The following AHSG variants were observed in gnomAD, a reference collection of about 807,000 sequenced individuals.
AHSG encodes alpha 2-HS glycoprotein, also known as alpha-2-HS-glycoprotein.
AHSG carries 23 observed loss-of-function variants against 30.1 expected under a neutral mutation model. The ratio of observed to expected loss-of-function variants is 0.76; its 90% CI spans 0.55 to 1.08. AHSG has a LOEUF of 1.08. AHSG is among the 50% of genes least tolerant of loss of function. AHSG has a pLI of 0.00. For missense variants in AHSG, 469 were observed against 459.5 expected, an observed-to-expected ratio of 1.02 and a Z score of -0.19; for synonymous variants, 164 against 186.3, an observed-to-expected ratio of 0.88 and a Z score of 0.98.
chr3:186,616,361 C>T, intron 2 of AHSG, 82 bp from the exon 3 acceptor site: 1 of 1,110,988 alleles, frequency 9.0e-7, no homozygotes, highest in South Asian at 1.4e-5. Context: ...CAAGGGTCAC[C>T]TTTGACAGCC....
intron 4 of AHSG, 51 bp downstream of exon 4, chr3:186,617,401 G>T (rs769901919): frequency 6.2e-7 from 1 of 1,613,802 alleles, no homozygotes; most frequent in African/African-American, 1.3e-5. Flanking sequence ...GGCACTTCGG[G>T]AATGTACTGT....
intron 5 of AHSG, 131 bp downstream of exon 5, chr3:186,618,768 C>A: frequency 4.2e-6 from 6 of 1,433,312 alleles, no homozygotes; most frequent in Non-Finnish European, 5.6e-6. Flanking sequence ...CCCTGTGGAT[C>A]ACGGCAAGCC....
At chr3:186,618,152 T>C (rs2070633) in intron 4 of AHSG, among the ~76,000 whole-genome samples, 72,583 of 152,030 alleles carry the variant, frequency 0.48, 17,920 homozygotes, top group East Asian at 0.61. Context: ...CCCACCCTAT[T>C]TTGGAATAAC....
At chr3:186,616,850 T>C (rs553553595) in intron 3 of AHSG, among the ~76,000 whole-genome samples, 1 of 152,200 alleles carries the variant, frequency 6.6e-6, no homozygotes, top group African/African-American at 2.4e-5. Context: ...TAATCCCAGC[T>C]ACTAGGGAGG....
Position 186,621,034 on chromosome 3 carries a change from G to A in AHSG, c.*104G>A, listed in dbSNP as rs1716479101. The A allele has an allele frequency of 5.5e-6, 6 of 1,088,448 alleles. No individual in the cohort carries two copies. The South Asian group carries it at 9.2e-5, about 17-fold the overall frequency. The allele number at this position is 1,088,448 out of a possible 1,614,324, so 67.4% of individuals were successfully genotyped here. ...GGCCTTGTCTGCTGGCCACGCAAGT[G>A]TCACATGCGATCTACATTAATATCA... On this transcript the variant is annotated 3_prime_UTR_variant, in exon 7 of 7. Coordinates refer to ENST00000411641, the MANE Select transcript of AHSG (RefSeq NM_001622.4).
In AHSG at chr3:186,613,244, C is replaced by G. The variant is rs772980949; in HGVS notation, c.103C>G (p.Pro35Ala). Residue 35 changes from proline (P) to alanine (A), a missense_variant, in exon 1 of 7, where the codon CCA (proline) becomes GCA (alanine). Physicochemically the swap from Pro to Ala is conservative, Grantham distance 27. Coordinates refer to ENST00000411641, the MANE Select transcript of AHSG (RefSeq NM_001622.4). ...LIYRQPNCDD[P>A]ETEEAALVAI... is the part of the protein sequence containing the mutation. ...TTATAGACAACCGAACTGCGATGAT[C>G]CAGAAACTGAGGAAGCAGCTCTGGT... 1.2e-6 allele frequency: 2 copies of G among 1,614,160 alleles called. No individual in the cohort carries two copies. Among genetic ancestry groups the G allele is most frequent in the Non-Finnish European group, 1.7e-6 (2 of 1,180,016 alleles).
At chr3:186,616,180 A>G in intron 2 of AHSG, among the ~76,000 whole-genome samples, 1 of 152,178 alleles carries the variant, frequency 6.6e-6, no homozygotes, top group East Asian at 1.9e-4. Context: ...CTGGGCAACA[A>G]CAGTGAATCT....
chr3:186,616,570 A>G lies in AHSG; in HGVS notation c.409+43A>G, dbSNP rs567591601. On this transcript the variant is annotated intron_variant, in intron 3 of 6. Coordinates refer to ENST00000411641, the MANE Select transcript of AHSG (RefSeq NM_001622.4). ...TATTCTCATTTTTTCCTTGTAGAGA[A>G]AGTGGGGAAGGGATCTGAATAATTT... The G allele has an allele frequency of 1.5e-5, 22 of 1,481,684 alleles. No individual in the cohort carries two copies. In the South Asian group the frequency reaches 2.5e-4, roughly 17 times the overall value. The allele number at this position is 1,481,684 out of a possible 1,614,324, so 91.8% of individuals were successfully genotyped here.
rs2108501576 is a variant in AHSG at position 186,617,261 on chromosome 3, C to G, written c.484C>G (p.His162Asp). ...LAPLNDTRVV[H>D]AAKAALAAFN... Reference sequence around the variant, plus strand: ...CCCGCTGAACGACACCAGGGTGGTGCACGCCGCGAAAGCTGCCCTGGCCGC... The same window carrying G: ...CCCGCTGAACGACACCAGGGTGGTGGACGCCGCGAAAGCTGCCCTGGCCGC... Residue 162 changes from histidine to aspartate, a missense_variant, in exon 4 of 7, where the codon CAC (histidine) becomes GAC (aspartate). Transcript: ENST00000411641. 1 of 1,614,206 alleles carries G rather than the reference C, an allele frequency of 6.2e-7. No homozygotes were observed. Among genetic ancestry groups the G allele is most frequent in the East Asian group, 2.2e-5 (1 of 44,874 alleles).
chr3:186,615,578 C>G (rs920822728), intron 1 of AHSG, 107 bp from the exon 2 acceptor site: 3 of 812,848 alleles, frequency 3.7e-6, no homozygotes. Flanking sequence ...TTTCCCTCAC[C>G]TCTCCAAAAG....
chr3:186,620,644 T>C lies in AHSG; in HGVS notation c.818T>C (p.Val273Ala), dbSNP rs1321003281. The change falls in exon 7 of 7, where the codon GTG becomes GCG. Residue 273 changes from valine (V) to alanine (A), a missense_variant. By Grantham distance (64) the Val-to-Ala change is moderately conservative. Transcript: ENST00000411641. ...GANEAVPTPV[V>A]DPDAPPSPPL... is the part of the protein sequence containing the mutation. ...AATGAAGCAGTCCCCACACCCGTGG[T>C]GGACCCAGATGCACCTCCGTCCCCT... 1.2e-6 allele frequency: 2 copies of C among 1,613,622 alleles called. No homozygotes were observed. The highest frequency in any genetic ancestry group is 1.7e-6 in the Non-Finnish European group (2 of 1,179,744).
At chr3:186,617,384 G>C in intron 4 of AHSG, 34 bp downstream of exon 4, 1 of 1,614,228 alleles carries the variant, frequency 6.2e-7, no homozygotes, top group South Asian at 1.1e-5. Context: ...AGGTTGGGCA[G>C]TTCGGTGGCA....
chr3:186,615,233 T>C (rs1716261711), intron 1 of AHSG, among the ~76,000 whole-genome samples: 1 of 152,030 alleles, frequency 6.6e-6, no homozygotes, highest in African/African-American at 2.4e-5. Flanking sequence ...AAAAAGACAG[T>C]AAGATATTAC....
At chr3:186,614,078 C>A (rs574303856) in intron 1 of AHSG, among the ~76,000 whole-genome samples, 40 of 152,248 alleles carry the variant, frequency 2.6e-4, no homozygotes, top group Admixed American at 3.3e-4. Context: ...ACACAATTCA[C>A]CTCCTCACAC....
In AHSG at chr3:186,619,924, T is replaced by A; in HGVS notation, c.743T>A (p.Met248Lys). ...GGGGCAGAGGTTGCAGTGACCTGCA[T>A]GGTGTTCCAAACACAGGTAACAGCT... ...LGGAEVAVTC[M>K]VFQTQPVSSQ... The change falls in exon 6 of 7, where the codon ATG becomes AAG. Residue 248 changes from methionine (M) to lysine (K), a missense_variant. By Grantham distance (95) the Met-to-Lys change is moderately conservative. Transcript: ENST00000411641. 5.0e-6 allele frequency: 8 copies of A among 1,612,702 alleles called. No individual in the cohort carries two copies. Among genetic ancestry groups the A allele is most frequent in the Non-Finnish European group, 6.8e-6 (8 of 1,179,558 alleles).
chr3:186,617,673 C>T (rs1370785432), intron 4 of AHSG: 3 of 412,694 alleles, frequency 7.3e-6, no homozygotes, highest in Non-Finnish European at 1.4e-5. Flanking sequence ...TTGCCCACGT[C>T]GGCCAGAAGC....
intron 3 of AHSG, among the ~76,000 whole-genome samples, chr3:186,616,916 C>T (rs1716321460): frequency 6.6e-6 from 1 of 152,122 alleles, no homozygotes; most frequent in African/African-American, 2.4e-5. Flanking sequence ...GGGCCGAGAT[C>T]GCACCACTGC....
intron 6 of AHSG, 120 bp from the exon 7 acceptor site, chr3:186,620,466 C>A: frequency 1.1e-6 from 1 of 886,920 alleles, no homozygotes; most frequent in Non-Finnish European, 1.8e-6. Context: ...TCTTGCTAGA[C>A]TCTTTGCAAA....
In AHSG at chr3:186,619,838, C is replaced by T. The variant is rs1716422670; in HGVS notation, c.676-19C>T. ...ATTTTTGAAATTAGTTAAAATAAAT[C>T]CTCTTTCTCTGTGGGCAGCAATATG... On this transcript the variant is annotated intron_variant, in intron 5 of 6. Transcript: ENST00000411641. 1 of 1,588,940 alleles carries T rather than the reference C, an allele frequency of 6.3e-7. No individual in the cohort carries two copies. The highest frequency in any genetic ancestry group is 1.4e-5 in the African/African-American group (1 of 73,308).
Sources: allele counts gnomAD v4.1 joint callset (sites outside exome capture counted in the v4.1 genomes callset), GRCh38; gene constraint gnomAD v4.1.1; transcripts MANE v1.5; gene names NCBI Gene and HGNC (gene_info 2026-07-23, HGNC 2026-07-21).